Variants in SH3BP5 observed in about 807,000 individuals in gnomAD.
SH3BP5 encodes the protein SH3 domain-binding protein 5.
SH3BP5 carries 22 observed loss-of-function variants against 43.3 expected under a neutral mutation model. The observed-to-expected ratio is 0.51, with a 90% CI of 0.36 to 0.73. The LOEUF (loss-of-function observed/expected upper bound fraction) is 0.73. SH3BP5 is among the 30% of genes least tolerant of loss of function. SH3BP5 has a pLI of 0.00. For synonymous variants in SH3BP5, 255 were observed against 225.8 expected (o/e 1.13, Z -1.16); for missense variants, 529 against 586.9 (o/e 0.90, Z 1.02).
intron 3 of SH3BP5, among the ~76,000 whole-genome samples, chr3:15,273,664 C>T (rs948592888): frequency 2.0e-5 from 3 of 152,240 alleles, no homozygotes; most frequent in African/African-American, 7.2e-5. Context: ...GGGCACCTGT[C>T]ATGCCCCACT....
intron 1 of SH3BP5, among the ~76,000 whole-genome samples, chr3:15,340,342 A>G (rs763747644): frequency 1.6e-4 from 25 of 152,220 alleles, no homozygotes; most frequent in Non-Finnish European, 3.5e-4. Context: ...TTATCTGACA[A>G]GTATTTATTG....
At chr3:15,324,078 CAT>C (rs748253137) in intron 2 of SH3BP5, among the ~76,000 whole-genome samples, 3 of 152,196 alleles carry the variant, frequency 2.0e-5, no homozygotes, top group East Asian at 3.9e-4. Context: ...AAAGACCACA[CAT>C]GTGTTTTTTC....
chr3:15,317,091 G>GA (rs1325079662), intron 2 of SH3BP5, among the ~76,000 whole-genome samples: 2 of 152,164 alleles, frequency 1.3e-5, no homozygotes, highest in African/African-American at 4.8e-5. Flanking sequence ...CAAGACCTAC[G>GA]ATTTTCTTCA....
At chr3:15,291,775 G>A (rs780920390) in intron 3 of SH3BP5, among the ~76,000 whole-genome samples, 17 of 152,184 alleles carry the variant, frequency 1.1e-4, no homozygotes, top group Non-Finnish European at 2.2e-4. Context: ...GGGAATGTTT[G>A]TAAGTCAGAA....
In SH3BP5 at chr3:15,255,923, T is replaced by C; in HGVS notation, c.*163A>G. On this transcript the variant is annotated 3_prime_UTR_variant, in exon 9 of 9. Transcript: ENST00000383791. Reference sequence around the variant, plus strand: ...TCTGAAAAACCAGCCCAAGAGCTCTTACCCAGAAGAACAATCTTTAGCCCT... The same window carrying C: ...TCTGAAAAACCAGCCCAAGAGCTCTCACCCAGAAGAACAATCTTTAGCCCT... 1.5e-6 allele frequency: 1 copy of C among 674,244 alleles called. No homozygotes were observed. The highest frequency in any genetic ancestry group is 4.1e-4 in the Middle Eastern group (1 of 2,446). The allele number at this position is 674,244 out of a possible 1,614,324, so 41.8% of individuals were successfully genotyped here. A position where few individuals can be genotyped will look rare whatever the true frequency, so the allele number is the denominator to read the frequency against.
intron 3 of SH3BP5, among the ~76,000 whole-genome samples, chr3:15,291,918 G>C (rs1177609762): frequency 6.6e-6 from 1 of 152,156 alleles, no homozygotes; most frequent in African/African-American, 2.4e-5. Context: ...GGAAGAAGTA[G>C]AAAAGAAAGG....
At chr3:15,271,817 G>A (rs1218646136) in intron 3 of SH3BP5, 1 of 152,014 alleles carries the variant, frequency 6.6e-6, no homozygotes, top group African/African-American at 2.4e-5. Context: ...CCCCAAGATG[G>A]GCCATGTGAT....
intron 3 of SH3BP5, chr3:15,273,104 G>A: frequency 1.0e-6 from 1 of 980,916 alleles, no homozygotes. Flanking sequence ...ACCCATAGGT[G>A]GCCTCTCCTA....
chr3:15,273,494 G>A (rs1696875456), intron 3 of SH3BP5: 3 of 690,068 alleles, frequency 4.3e-6, no homozygotes, highest in Admixed American at 6.3e-5. Flanking sequence ...AAGTTTCTGC[G>A]AGATTCCTTC....
intron 2 of SH3BP5, among the ~76,000 whole-genome samples, chr3:15,327,835 C>G (rs532254154): frequency 6.6e-6 from 1 of 152,162 alleles, no homozygotes; most frequent in Non-Finnish European, 1.5e-5. Context: ...ACACTTGAAA[C>G]GTGTCTAGTC....
intron 7 of SH3BP5, chr3:15,257,539 T>G (rs774730493): frequency 6.3e-6 from 1 of 158,018 alleles, no homozygotes; most frequent in African/African-American, 2.4e-5. Flanking sequence ...CTTAGGGCAA[T>G]AGAAGCAAGA....
At chr3:15,316,708 A>G (rs533543704) in intron 2 of SH3BP5, among the ~76,000 whole-genome samples, 2 of 148,240 alleles carry the variant, frequency 1.3e-5, no homozygotes, top group South Asian at 4.3e-4. Context: ...ATGTGGGCAC[A>G]TTACTCATCT....
chr3:15,257,548 G>T (rs1176895120), intron 7 of SH3BP5: 1 of 157,548 alleles, frequency 6.3e-6, no homozygotes, highest in African/African-American at 2.4e-5. Flanking sequence ...ATAGAAGCAA[G>T]AGCTGCTAGA....
chr3:15,269,451 T>G lies in SH3BP5; in HGVS notation c.495+262A>C, dbSNP rs537948538. On this transcript the variant is annotated intron_variant, in intron 4 of 8. Transcript: ENST00000383791. The stretch of plus-strand genomic sequence containing the variant: ...AAGCCTGAGTCCAGTCAAGACCCCC[T>G]GGGGATGACCCAAACCAGACAAACC... 4.7e-4 allele frequency among the ~76,000 whole-genome samples: 71 copies of G among 152,242 alleles called. 1 individual carries two copies. The highest frequency in any genetic ancestry group is 1.5e-5 in the Non-Finnish European group (1 of 68,002).
chr3:15,307,028 C>G (rs985132905), intron 2 of SH3BP5, among the ~76,000 whole-genome samples: 2 of 152,152 alleles, frequency 1.3e-5, no homozygotes, highest in Non-Finnish European at 2.9e-5. Flanking sequence ...AAAGGAGGCT[C>G]TGATCAGTTC....
chr3:15,304,072 G>A, intron 3 of SH3BP5, 31 bp downstream of exon 3: 2 of 1,590,776 alleles, frequency 1.3e-6, no homozygotes, highest in Non-Finnish European at 1.7e-6. Flanking sequence ...TGAGGCTCGA[G>A]GTAGGGGAGA....
intron 3 of SH3BP5, among the ~76,000 whole-genome samples, chr3:15,272,788 G>A (rs1696853628): frequency 6.6e-6 from 1 of 152,166 alleles, no homozygotes; most frequent in South Asian, 2.1e-4. Flanking sequence ...TGAATGCCAG[G>A]CTAAACCTTC....
chr3:15,273,459 C>A (rs1358570155), intron 3 of SH3BP5: 2 of 948,164 alleles, frequency 2.1e-6, no homozygotes, highest in African/African-American at 3.6e-5. Flanking sequence ...AGAACATGTG[C>A]TGTCAAATTC....
intron 3 of SH3BP5, among the ~76,000 whole-genome samples, chr3:15,293,497 C>T (rs575498799): frequency 7.2e-5 from 11 of 152,316 alleles, no homozygotes; most frequent in African/African-American, 1.7e-4. Flanking sequence ...AAGAGCTTCT[C>T]GGAACAAGAG....
Sources: allele counts gnomAD v4.1 joint callset (sites outside exome capture counted in the v4.1 genomes callset), GRCh38; gene constraint gnomAD v4.1.1; transcripts MANE v1.5; gene names NCBI Gene and HGNC (gene_info 2026-07-23, HGNC 2026-07-21).